ARHGAP18: variants seen among roughly 807,000 people sequenced by gnomAD.
ARHGAP18 encodes the protein rho GTPase-activating protein 18.
ARHGAP18 carries 67 observed loss-of-function variants against 86.2 expected under a neutral mutation model. The observed-to-expected ratio is 0.78, with a 90% CI of 0.64 to 0.95. The LOEUF (loss-of-function observed/expected upper bound fraction) is 0.95. Ranked by LOEUF, ARHGAP18 falls within the 40% of genes least tolerant of loss-of-function variation. ARHGAP18 has a pLI of 0.00. For missense variants in ARHGAP18, 691 were observed against 780.4 expected (o/e 0.89, Z 1.37); for synonymous variants, 283 against 280.4 (o/e 1.01, Z -0.09).
At chr6:129,589,470 C>T (rs1198373428) in intron 12 of ARHGAP18, among the ~76,000 whole-genome samples, 1 of 152,160 alleles carries the variant, frequency 6.6e-6, no homozygotes, top group Non-Finnish European at 1.5e-5. Context: ...TTTTTGTCCA[C>T]AACACTATCA....
In ARHGAP18 at chr6:129,600,807, T is replaced by C. The variant is rs768406539; in HGVS notation, c.1407A>G (p.Glu469=). 2 of 1,613,378 alleles carry C rather than the reference T, an allele frequency of 1.2e-6. No homozygotes were observed. The highest frequency in any genetic ancestry group is 2.2e-5 in the South Asian group (2 of 91,020). The part of the protein sequence containing the change: ...EFLQRVIDNK[E]KNKMTVMNVA... Reference sequence around the variant, plus strand: ...CATTCATGACTGTCATTTTATTTTTTTCTTTATTATCTATTACTCTTTGGA... The same window carrying C: ...CATTCATGACTGTCATTTTATTTTTCTCTTTATTATCTATTACTCTTTGGA... The change falls in exon 11 of 15, where the codon GAA becomes GAG. Residue 469 remains glutamate, a synonymous_variant. Transcript: ENST00000368149.
chr6:129,625,721 A>C (rs1430135891), intron 5 of ARHGAP18, among the ~76,000 whole-genome samples: 1 of 62,496 alleles, frequency 1.6e-5, no homozygotes, highest in Non-Finnish European at 2.8e-5. Flanking sequence ...ATATTTATAT[A>C]TTATATATAT....
chr6:129,626,455 A>G (rs531232348), intron 5 of ARHGAP18, among the ~76,000 whole-genome samples: 108 of 152,088 alleles, frequency 7.1e-4, no homozygotes, highest in African/African-American at 2.6e-3. Context: ...CGACTTTACT[A>G]TTGGACTATA....
chr6:129,588,290 G>A (rs1057080292), intron 12 of ARHGAP18, among the ~76,000 whole-genome samples: 1 of 152,024 alleles, frequency 6.6e-6, no homozygotes, highest in African/African-American at 2.4e-5. Flanking sequence ...GTTAATTTTT[G>A]TATTTTAAAT....
chr6:129,599,265 A>C lies in ARHGAP18; in HGVS notation c.1664T>G (p.Met555Arg). ...KRAMKKLLKK[M>R]AYDREKYEKQ... ...TTCATATTTTTCTCGGTCATAAGCCATTTTCTTCAGCAATTTCTTCATGGC... is the reference window on the plus strand; with the variant it reads ...TTCATATTTTTCTCGGTCATAAGCCCTTTTCTTCAGCAATTTCTTCATGGC... The change falls in exon 12 of 15, where the codon ATG becomes AGG. Residue 555 changes from methionine to arginine, a missense_variant. Met to Arg is a moderately conservative substitution (Grantham distance 91). Transcript: ENST00000368149. 6.3e-7 allele frequency: 1 copy of C among 1,594,618 alleles called. No homozygotes were observed.
chr6:129,650,316 C>T lies in ARHGAP18; in HGVS notation c.114-8298G>A, dbSNP rs147033021. ...AAGGGAGGGAAGGCCTAGAACGAAA[C>T]GAATATGGGAAAGGCAGGAGACAGC... On this transcript the variant is annotated intron_variant, in intron 1 of 14. Coordinates refer to ENST00000368149, the MANE Select transcript of ARHGAP18 (RefSeq NM_033515.3). Among the ~76,000 whole-genome samples the T allele has an allele frequency of 3.7e-3, 563 of 152,118 alleles. 2 individuals carry two copies. Among genetic ancestry groups the T allele is most frequent in the Middle Eastern group, 0.01 (3 of 294 alleles).
chr6:129,667,342 C>T (rs956698676), intron 1 of ARHGAP18, among the ~76,000 whole-genome samples: 1 of 151,914 alleles, frequency 6.6e-6, no homozygotes, highest in African/African-American at 2.4e-5. Flanking sequence ...CCCTATTTGG[C>T]CCATAAGCCA....
intron 12 of ARHGAP18, among the ~76,000 whole-genome samples, chr6:129,593,866 A>G (rs1788564103): frequency 6.6e-6 from 1 of 152,246 alleles, no homozygotes. Context: ...TTGCCTCATG[A>G]GGTAAATTGA....
At chr6:129,605,847 G>C (rs1267950577) in intron 10 of ARHGAP18, 30 bp downstream of exon 10, 1 of 1,567,168 alleles carries the variant, frequency 6.4e-7, no homozygotes, top group Admixed American at 1.7e-5. Flanking sequence ...TACTTCTAAG[G>C]GATATTTAAT....
intron 1 of ARHGAP18, among the ~76,000 whole-genome samples, chr6:129,674,043 C>T (rs1160640322): frequency 6.6e-6 from 1 of 152,098 alleles, no homozygotes; most frequent in East Asian, 1.9e-4. Context: ...TCTACCTCTC[C>T]CCATCACTAA....
At chr6:129,617,473 G>T (rs1403949801) in intron 6 of ARHGAP18, among the ~76,000 whole-genome samples, 1 of 152,184 alleles carries the variant, frequency 6.6e-6, no homozygotes, top group Non-Finnish European at 1.5e-5. Flanking sequence ...CGGAAAAGAT[G>T]CAATCTCAAG....
chr6:129,638,364 T>C, intron 3 of ARHGAP18, 30 bp downstream of exon 3: 1 of 1,586,436 alleles, frequency 6.3e-7, no homozygotes, highest in Non-Finnish European at 8.6e-7. Context: ...CAATTATTCC[T>C]TTGCCTTAAC....
intron 1 of ARHGAP18, among the ~76,000 whole-genome samples, chr6:129,673,710 T>TTAATGGTATCCG (rs1774180139): frequency 6.6e-6 from 1 of 152,218 alleles, no homozygotes; most frequent in African/African-American, 2.4e-5. Flanking sequence ...AGTTAACTCT[T>TTAATGGTATCCG]TTTAATGGTA....
At chr6:129,593,554 T>C (rs1206230259) in intron 12 of ARHGAP18, among the ~76,000 whole-genome samples, 1 of 152,200 alleles carries the variant, frequency 6.6e-6, no homozygotes, top group Non-Finnish European at 1.5e-5. Context: ...TACCCTATCA[T>C]TTTATAAAAG....
rs139474522 is a variant in ARHGAP18 at position 129,636,837 on chromosome 6, C to G, written c.552+1557G>C. Among the ~76,000 whole-genome samples the G allele has an allele frequency of 4.0e-3, 610 of 152,304 alleles. 3 individuals carry two copies. The highest frequency in any genetic ancestry group is 0.013 in the African/African-American group (557 of 41,566). ...GGTTGCAGTGAGCCGAGATTGCACT[C>G]AAGCCAGAATGTAAATCAACTTTGA... On this transcript the variant is annotated intron_variant, in intron 3 of 14. Transcript: ENST00000368149.
At position 129,616,311 on chromosome 6, in the gene ARHGAP18, A is replaced by G. The variant is rs12524078; in HGVS notation, c.953-8T>C. On this transcript the variant is annotated splice_polypyrimidine_tract_variant and splice_region_variant and intron_variant, in intron 6 of 14. Coordinates refer to ENST00000368149, the MANE Select transcript of ARHGAP18 (RefSeq NM_033515.3). ...CGCAAAAAAGACCAGAATCTGCAAG[A>G]AAAAAAATGAAATTTCCTCACTTTT... 0.13 allele frequency: 202,580 copies of G among 1,595,032 alleles called. 14,311 individuals carry two copies. Among genetic ancestry groups the G allele is most frequent in the Middle Eastern group, 0.17 (1,034 of 5,990 alleles).
chr6:129,624,278 C>T (rs1479081763), intron 5 of ARHGAP18, among the ~76,000 whole-genome samples: 4 of 152,130 alleles, frequency 2.6e-5, no homozygotes, highest in Non-Finnish European at 5.9e-5. Flanking sequence ...TACCTGTAAT[C>T]CCAGCACTTT....
At chr6:129,686,287 C>T (rs1774422917) in intron 1 of ARHGAP18, among the ~76,000 whole-genome samples, 1 of 152,192 alleles carries the variant, frequency 6.6e-6, no homozygotes, top group Non-Finnish European at 1.5e-5. Flanking sequence ...TCCTCAGCCA[C>T]TTTCTCCTTT....
chr6:129,700,379 T>C (rs1272455440), intron 1 of ARHGAP18, among the ~76,000 whole-genome samples: 2 of 152,170 alleles, frequency 1.3e-5, no homozygotes, highest in Non-Finnish European at 2.9e-5. Flanking sequence ...AACTGAAGCA[T>C]TAAAGGTATT....
Sources: gnomAD v4.1 joint callset for allele counts (sites outside exome capture counted in the v4.1 genomes callset) on GRCh38, gnomAD v4.1.1 for gene constraint, MANE v1.5 for transcripts, NCBI Gene and HGNC (gene_info 2026-07-23, HGNC 2026-07-21) for gene names.